Variants in MAP2 observed in about 807,000 individuals in gnomAD.
The protein encoded by MAP2 is microtubule-associated protein 2.
A neutral mutation model predicts 137.6 loss-of-function variants in MAP2; 14 were observed. The ratio of observed to expected loss-of-function variants is 0.10; its 90% confidence interval spans 0.07 to 0.16. The LOEUF is 0.16. Among genes scored for constraint, MAP2 ranks in the 10% least tolerant of loss-of-function variants. MAP2 has a pLI of 1.00. For missense variants in MAP2, 2,088 were observed against 2,191.5 expected (o/e 0.95, Z 0.94); for synonymous variants, 786 against 782.3 (o/e 1.00, Z -0.08).
At chr2:209,560,587 C>G (rs1381577340) in intron 2 of MAP2, among the ~76,000 whole-genome samples, 1 of 151,652 alleles carries the variant, frequency 6.6e-6, no homozygotes, top group Non-Finnish European at 1.5e-5. Context: ...TCAAGCAATC[C>G]CCCACCCCTC....
intron 14 of MAP2, 38 bp downstream of exon 14, chr2:209,725,828 A>G (rs1289264333): frequency 7.1e-7 from 1 of 1,416,114 alleles, no homozygotes; most frequent in Non-Finnish European, 9.6e-7. Context: ...GAAATATTTA[A>G]CTGGAATCAA....
chr2:209,590,140 T>G (rs1579442483), intron 3 of MAP2, among the ~76,000 whole-genome samples: 5 of 152,042 alleles, frequency 3.3e-5, no homozygotes, highest in Admixed American at 2.0e-4. Context: ...ATGCTCTCAT[T>G]AGCACACCAG....
chr2:209,593,339 A>G (rs1394235505), intron 3 of MAP2, among the ~76,000 whole-genome samples: 1 of 151,242 alleles, frequency 6.6e-6, no homozygotes, highest in Non-Finnish European at 1.5e-5. Flanking sequence ...TATTTTATTA[A>G]TTTGTATTTT....
intron 1 of MAP2, among the ~76,000 whole-genome samples, chr2:209,463,399 G>C (rs1014229799): frequency 6.6e-6 from 1 of 152,026 alleles, no homozygotes; most frequent in Non-Finnish European, 1.5e-5. Context: ...GTGCTTTCTG[G>C]TCTGCTTTTA....
chr2:209,428,506 T>C (rs1413326305), intron 1 of MAP2, among the ~76,000 whole-genome samples: 1 of 152,054 alleles, frequency 6.6e-6, no homozygotes, highest in Non-Finnish European at 1.5e-5. Context: ...TTTTCTTTTC[T>C]TCTTTACTTA....
At chr2:209,545,707 TA>T (rs1389317565) in intron 2 of MAP2, among the ~76,000 whole-genome samples, 1 of 152,220 alleles carries the variant, frequency 6.6e-6, no homozygotes, top group African/African-American at 2.4e-5. Context: ...TACTTATTTT[TA>T]AAAAAGAAGT....
intron 1 of MAP2, among the ~76,000 whole-genome samples, chr2:209,487,876 A>C (rs190602836): frequency 6.6e-6 from 1 of 152,362 alleles, no homozygotes; most frequent in East Asian, 1.9e-4. Flanking sequence ...GATAAAATAA[A>C]AATTAAAAAG....
chr2:209,581,004 A>G (rs540634712), intron 3 of MAP2, among the ~76,000 whole-genome samples: 16 of 152,294 alleles, frequency 1.1e-4, no homozygotes, highest in Non-Finnish European at 2.9e-5. Context: ...TTTCCTCTCA[A>G]GACTGTCAGT....
chr2:209,624,828 T>C (rs2091978544), intron 3 of MAP2, among the ~76,000 whole-genome samples: 1 of 152,200 alleles, frequency 6.6e-6, no homozygotes, highest in Non-Finnish European at 1.5e-5. Context: ...AGAAAAAGCA[T>C]GCAGCAGTTA....
At chr2:209,706,215 G>A (rs1039163942) in intron 12 of MAP2, among the ~76,000 whole-genome samples, 1 of 152,062 alleles carries the variant, frequency 6.6e-6, no homozygotes, top group Admixed American at 6.6e-5. Flanking sequence ...CTATGCAATA[G>A]GTTCAAATTA....
In MAP2 at chr2:209,693,140, C is replaced by G; in HGVS notation, c.970C>G (p.Leu324Val). ...TCCCTTTCAAGGGGGAAGCTTCACT[C>G]TTCCTTTAGATGTCATGAAGAATGA... Reference protein sequence around the residue: ...PSPFQGGSFTLPLDVMKNEIV... With the variant: ...PSPFQGGSFTVPLDVMKNEIV... The change falls in exon 8 of 16, where the codon CTT becomes GTT. Residue 324 changes from leucine (L) to valine (V), a missense_variant. Coordinates refer to ENST00000682079, the MANE Select transcript of MAP2 (RefSeq NM_001375505.1). The G allele has an allele frequency of 1.2e-6, 2 of 1,611,286 alleles. No individual in the cohort carries two copies. Among genetic ancestry groups the G allele is most frequent in the Non-Finnish European group, 1.7e-6 (2 of 1,179,086 alleles).
chr2:209,688,723 A>T (rs904572330), intron 7 of MAP2, among the ~76,000 whole-genome samples: 12 of 152,208 alleles, frequency 7.9e-5, no homozygotes, highest in African/African-American at 2.9e-4. Context: ...CTAACTAGGT[A>T]GTTTTGGTAA....
At chr2:209,607,419 T>C (rs965320639) in intron 3 of MAP2, among the ~76,000 whole-genome samples, 2 of 152,122 alleles carry the variant, frequency 1.3e-5, no homozygotes, top group African/African-American at 4.8e-5. Context: ...TTCAAATTAA[T>C]GTTTCATTTG....
intron 2 of MAP2, among the ~76,000 whole-genome samples, chr2:209,563,386 C>G (rs1215846962): frequency 3.4e-5 from 5 of 147,728 alleles, no homozygotes; most frequent in African/African-American, 1.1e-4. Flanking sequence ...TACTTTTGCA[C>G]CAACCTATAC....
intron 7 of MAP2, among the ~76,000 whole-genome samples, chr2:209,689,476 C>T (rs2153706784): frequency 6.6e-6 from 1 of 152,196 alleles, no homozygotes; most frequent in East Asian, 1.9e-4. Flanking sequence ...TAAAACAGCT[C>T]ATATATTTCT....
rs148610070 is a variant in MAP2, at chr2:209,590,404, C to T, written c.-107+10304C>T. Among the ~76,000 whole-genome samples the T allele has an allele frequency of 9.2e-3, 1,407 of 152,206 alleles. 22 individuals carry two copies. The highest frequency in any genetic ancestry group is 0.031 in the African/African-American group (1,302 of 41,534). ...AGGCTGGAGTGCAATGGTGCAATCT[C>T]GGCTCACCGCAACCTCTGCCTCCCG... On this transcript the variant is annotated intron_variant, in intron 3 of 15. Coordinates refer to ENST00000682079, the MANE Select transcript of MAP2 (RefSeq NM_001375505.1).
chr2:209,691,526 C>T (rs2058894659), intron 7 of MAP2, among the ~76,000 whole-genome samples: 1 of 152,154 alleles, frequency 6.6e-6, no homozygotes, highest in Admixed American at 6.6e-5. Flanking sequence ...GATCCATACA[C>T]TTGCTCTTTT....
At chr2:209,656,617 A>T (rs997784687) in intron 5 of MAP2, among the ~76,000 whole-genome samples, 9 of 152,182 alleles carry the variant, frequency 5.9e-5, no homozygotes, top group African/African-American at 2.2e-4. Context: ...TTCATTCCTT[A>T]AGATTTTTTC....
intron 2 of MAP2, among the ~76,000 whole-genome samples, chr2:209,559,885 G>T (rs1187328022): frequency 6.6e-6 from 1 of 152,122 alleles, no homozygotes; most frequent in East Asian, 1.9e-4. Flanking sequence ...AACCAAGACT[G>T]GGGTGTCATT....
Sources: allele counts gnomAD v4.1 joint callset (sites outside exome capture counted in the v4.1 genomes callset), GRCh38; gene constraint gnomAD v4.1.1; transcripts MANE v1.5; gene names NCBI Gene and HGNC (gene_info 2026-07-23, HGNC 2026-07-21).